The following CHLSN variants were observed in gnomAD, a reference collection of about 807,000 sequenced individuals.
CHLSN encodes cholesin, also known as protein cholesin.
chr7:1,044,311 A>C, the CHLSN span, among the ~76,000 whole-genome samples: 1 of 152,252 alleles, frequency 6.6e-6, no homozygotes, highest in African/African-American at 2.4e-5. Flanking sequence ...AAACTCCCAG[A>C]GCCCTGGGTG....
the CHLSN span, among the ~76,000 whole-genome samples, chr7:1,015,232 G>A: frequency 6.6e-6 from 1 of 152,142 alleles, no homozygotes; most frequent in East Asian, 1.9e-4. Context: ...GAGAGGTGGG[G>A]TCGGGAAGAG....
the CHLSN span, among the ~76,000 whole-genome samples, chr7:1,046,084 A>AT: frequency 0.2 from 30,429 of 152,218 alleles, 3,151 homozygotes; most frequent in Admixed American, 0.24. Context: ...TATGTCTATC[A>AT]TACAATGAAT....
the CHLSN span, among the ~76,000 whole-genome samples, chr7:1,066,788 G>A: frequency 4.6e-5 from 7 of 152,250 alleles, no homozygotes; most frequent in Admixed American, 1.3e-4. Context: ...GAGAGGGTTC[G>A]GGGCACAATC....
chr7:1,007,225 T>C, the CHLSN span, among the ~76,000 whole-genome samples: 4 of 152,172 alleles, frequency 2.6e-5, 1 homozygote, highest in African/African-American at 9.7e-5. Context: ...GCAGATGGCT[T>C]TGCCTCCAGG....
the CHLSN span, among the ~76,000 whole-genome samples, chr7:1,008,780 A>G: frequency 1.3e-5 from 2 of 151,948 alleles, no homozygotes; most frequent in Non-Finnish European, 2.9e-5. Context: ...ACACACGCAC[A>G]CACGCACATG....
chr7:1,001,570 G>GT, the CHLSN span, among the ~76,000 whole-genome samples: 4 of 137,940 alleles, frequency 2.9e-5, no homozygotes, highest in African/African-American at 8.3e-5. Flanking sequence ...CCTGTGGGTG[G>GT]GGAGTCCTGT....
chr7:1,138,007 C>A, the CHLSN span: 1 of 27,118 alleles, frequency 3.7e-5, no homozygotes, highest in Non-Finnish European at 6.5e-5. Context: ...GACGCACCGG[C>A]CGCACCGGCC....
At chr7:1,040,317 C>A in the CHLSN span, among the ~76,000 whole-genome samples, 3 of 151,610 alleles carry the variant, frequency 2.0e-5, no homozygotes, top group Non-Finnish European at 4.4e-5. Context: ...ACAGTGAGAC[C>A]CCCCATCTCT....
the CHLSN span, among the ~76,000 whole-genome samples, chr7:979,608 C>T: frequency 2.0e-5 from 3 of 151,958 alleles, no homozygotes; most frequent in East Asian, 1.9e-4. Flanking sequence ...AAAAATTAGC[C>T]GGGCGTGGTG....
chr7:1,054,091 G>A, the CHLSN span, among the ~76,000 whole-genome samples: 1 of 152,158 alleles, frequency 6.6e-6, no homozygotes, highest in Non-Finnish European at 1.5e-5. Flanking sequence ...GCGGGAACCT[G>A]AGCTCCTCGG....
At chr7:979,613 G>A in the CHLSN span, among the ~76,000 whole-genome samples, 27,719 of 151,830 alleles carry the variant, frequency 0.18, 2,788 homozygotes, top group East Asian at 0.29. Context: ...TTAGCCGGGC[G>A]TGGTGGTGAG....
chr7:1,011,545 A>G, the CHLSN span, among the ~76,000 whole-genome samples: 1 of 149,840 alleles, frequency 6.7e-6, no homozygotes, highest in African/African-American at 2.5e-5. Flanking sequence ...ACACCCACAA[A>G]CACCCAGATA....
At chr7:1,098,990 T>C in the CHLSN span, among the ~76,000 whole-genome samples, 2 of 152,246 alleles carry the variant, frequency 1.3e-5, no homozygotes, top group Non-Finnish European at 1.5e-5. Context: ...AAATTACATC[T>C]CAGTAAAGCT....
chr7:1,053,480 C>T, the CHLSN span, among the ~76,000 whole-genome samples: 1 of 152,370 alleles, frequency 6.6e-6, no homozygotes, highest in East Asian at 1.9e-4. Context: ...CATGACTCGC[C>T]AGGCCCTGGC....
the CHLSN span, among the ~76,000 whole-genome samples, chr7:1,053,228 G>A: frequency 1.3e-5 from 2 of 152,230 alleles, no homozygotes; most frequent in African/African-American, 2.4e-5. Flanking sequence ...GCCAGGCCAG[G>A]CTCCCACAGA....
chr7:1,028,245 C>G, the CHLSN span: 1 of 1,096,024 alleles, frequency 9.1e-7, no homozygotes, highest in Non-Finnish European at 1.1e-6. Context: ...GGGCCCTGGC[C>G]CCGCGCACTG....
At chr7:989,103 A>G in the CHLSN span, 2 of 428,808 alleles carry the variant, frequency 4.7e-6, no homozygotes, top group African/African-American at 2.0e-5. Flanking sequence ...CCACCCCTGA[A>G]GCTGCACTCC....
the CHLSN span, chr7:1,000,618 A>G: frequency 3.8e-6 from 5 of 1,323,894 alleles, no homozygotes; most frequent in Non-Finnish European, 4.2e-6. Context: ...GTCTGCCCTG[A>G]GAGATCGGGG....
chr7:977,990 C>T, the CHLSN span, among the ~76,000 whole-genome samples: 2 of 152,230 alleles, frequency 1.3e-5, no homozygotes, highest in Admixed American at 1.3e-4. Flanking sequence ...TTTTATTACC[C>T]AGCAAAGAAG....
Sources: gnomAD v4.1 joint callset for allele counts (sites outside exome capture counted in the v4.1 genomes callset) on GRCh38, gnomAD v4.1.1 for gene constraint, MANE v1.5 for transcripts, NCBI Gene and HGNC (gene_info 2026-07-23, HGNC 2026-07-21) for gene names.